CCM2: variants seen among roughly 807,000 people sequenced by gnomAD.
CCM2 encodes the protein cerebral cavernous malformations 2 protein.
Under a neutral mutation model 44.9 loss-of-function variants are expected in CCM2, and 25 were observed. That is an observed-to-expected ratio of 0.56 (90% CI 0.41 to 0.78). The LOEUF is 0.78. CCM2 is among the 30% of genes least tolerant of loss of function. CCM2 has a pLI of 0.00. For synonymous variants in CCM2, 219 were observed against 241.1 expected (o/e 0.91, Z 0.85); for missense variants, 481 against 580.6 (o/e 0.83, Z 1.76).
At chr7:45,054,810 T>C (rs993025908) in intron 2 of CCM2, among the ~76,000 whole-genome samples, 3 of 152,196 alleles carry the variant, frequency 2.0e-5, no homozygotes, top group Admixed American at 6.5e-5. Flanking sequence ...GGGCATGGCA[T>C]TGCCATAGGG....
rs148379766 is a variant in CCM2 at position 45,013,310 on chromosome 7, AT to A, written c.30+12957del. On this transcript the variant is annotated intron_variant, in intron 1 of 9. Transcript: ENST00000258781. ...ATACGTGTTATAAATCTTACATTAG[AT>A]TTTTTTTTTGCTTTAAACAATCGAC... Among the ~76,000 whole-genome samples, 277 of 149,320 alleles carry A rather than the reference AT, an allele frequency of 1.9e-3. 1 individual carries two copies. The highest frequency in any genetic ancestry group is 6.3e-3 in the African/African-American group (256 of 40,766).
intron 2 of CCM2, among the ~76,000 whole-genome samples, chr7:45,041,239 A>G (rs1797482251): frequency 6.6e-6 from 1 of 152,194 alleles, no homozygotes; most frequent in Non-Finnish European, 1.5e-5. Flanking sequence ...AAGCAAATAG[A>G]GGTGTGGAGG....
At chr7:45,050,607 T>C (rs757441750) in intron 2 of CCM2, among the ~76,000 whole-genome samples, 23 of 152,218 alleles carry the variant, frequency 1.5e-4, no homozygotes, top group Admixed American at 6.5e-4. Context: ...TTTGTACTTA[T>C]AAGTGAGGTT....
intron 1 of CCM2, among the ~76,000 whole-genome samples, chr7:45,011,583 A>C (rs1299392532): frequency 2.0e-5 from 3 of 150,342 alleles, no homozygotes; most frequent in Non-Finnish European, 4.4e-5. Flanking sequence ...ATGGAGTCTC[A>C]CTCTGTTGCC....
intron 2 of CCM2, among the ~76,000 whole-genome samples, chr7:45,052,012 T>C (rs772799434): frequency 9.2e-5 from 14 of 152,180 alleles, no homozygotes; most frequent in Non-Finnish European, 1.5e-4. Context: ...GACATTGAAT[T>C]CCGTGATCAT....
chr7:45,044,704 C>G (rs1797670359), intron 2 of CCM2, among the ~76,000 whole-genome samples: 1 of 152,156 alleles, frequency 6.6e-6, no homozygotes, highest in Non-Finnish European at 1.5e-5. Flanking sequence ...TTACCATTTT[C>G]TAGAGGTAGG....
intron 8 of CCM2, 95 bp downstream of exon 8, chr7:45,073,666 G>T: frequency 1.2e-6 from 1 of 855,792 alleles, no homozygotes; most frequent in East Asian, 2.6e-5. Context: ...GCAGTGCAGG[G>T]CAGGCTGCAG....
At chr7:45,012,130 CTTTTTT>C (rs60568953) in intron 1 of CCM2, among the ~76,000 whole-genome samples, 1 of 94,090 alleles carries the variant, frequency 1.1e-5, no homozygotes, top group Non-Finnish European at 2.2e-5. Context: ...ATCATAATAT[CTTTTTT>C]TTTTTTTTTT....
rs532855225 is a variant in CCM2, at chr7:45,009,311, A to AG, written c.30+8948_30+8949insG. Among the ~76,000 whole-genome samples the AG allele has an allele frequency of 8.5e-3, 1,020 of 119,890 alleles. 32 individuals carry two copies. Among genetic ancestry groups the AG allele is most frequent in the Non-Finnish European group, 0.012 (707 of 58,148 alleles). 78.7% of individuals were successfully genotyped at this position (119,890 alleles called of 152,430 possible). A position where few individuals can be genotyped will look rare whatever the true frequency, so the allele number is the denominator to read the frequency against. On this transcript the variant is annotated intron_variant, in intron 1 of 9. Coordinates refer to ENST00000258781, the MANE Select transcript of CCM2 (RefSeq NM_031443.4). ...GGGAGCCTCTGTCTCAAAAAAAAAA[A>AG]AAAAAAAAAAATTTTTGAGTACACC...
chr7:45,064,721 A>C, intron 4 of CCM2, 75 bp downstream of exon 4: 1 of 1,521,530 alleles, frequency 6.6e-7, no homozygotes, highest in East Asian at 2.3e-5. Flanking sequence ...TTCTGGAGAC[A>C]GTTTTTGCAG....
intron 1 of CCM2, among the ~76,000 whole-genome samples, chr7:45,008,356 CTTTTTTTTTTTTTT>C (rs59435094): frequency 0.5 from 57,846 of 115,290 alleles, 13,314 homozygotes; most frequent in East Asian, 0.71. Flanking sequence ...GGTACATGTT[CTTTTTTTTTTTTTT>C]TTTTTTTTTT....
chr7:45,076,340 G>A lies in CCM2; in HGVS notation c.*283G>A, dbSNP rs1784264592. The A allele has an allele frequency of 3.2e-6, 2 of 622,926 alleles. No individual in the cohort carries two copies. Among genetic ancestry groups the A allele is most frequent in the East Asian group, 3.2e-5 (1 of 30,850 alleles). 38.6% of individuals were successfully genotyped at this position (622,926 alleles called of 1,614,324 possible). On this transcript the variant is annotated 3_prime_UTR_variant, in exon 10 of 10. Transcript: ENST00000258781. ...GGGAGGGCCCGGCCGAGCGGGCAGG[G>A]AGAGCCAGTCCTGTCGGCTGGGCCC... is the stretch of plus-strand genomic sequence containing the variant.
chr7:45,068,300 C>T (rs1430561728), intron 4 of CCM2, 143 bp from the exon 5 acceptor site: 1 of 1,005,190 alleles, frequency 9.9e-7, no homozygotes, highest in Non-Finnish European at 1.5e-6. Context: ...CTGGTGCAGG[C>T]CCTTCACCTG....
At chr7:45,004,810 G>A (rs754500849) in intron 1 of CCM2, among the ~76,000 whole-genome samples, 2 of 151,928 alleles carry the variant, frequency 1.3e-5, no homozygotes, top group Non-Finnish European at 2.9e-5. Context: ...TCTGAGACCA[G>A]CCATGGTGAA....
intron 2 of CCM2, among the ~76,000 whole-genome samples, chr7:45,055,972 A>G (rs950986553): frequency 6.6e-6 from 1 of 152,254 alleles, no homozygotes; most frequent in Admixed American, 6.5e-5. Flanking sequence ...CGCTTAGCAC[A>G]GTGCCCTCAA....
At chr7:45,056,011 C>A (rs1033331253) in intron 2 of CCM2, among the ~76,000 whole-genome samples, 1 of 152,226 alleles carries the variant, frequency 6.6e-6, no homozygotes. Flanking sequence ...CATGTGTCAG[C>A]ATTTCCATTG....
At chr7:45,007,364 C>T (rs933937102) in intron 1 of CCM2, among the ~76,000 whole-genome samples, 5 of 152,266 alleles carry the variant, frequency 3.3e-5, no homozygotes, top group African/African-American at 7.2e-5. Flanking sequence ...TTTGTTAGCG[C>T]GCTTCGCACT....
chr7:45,010,514 G>C (rs1796024467), intron 1 of CCM2, among the ~76,000 whole-genome samples: 8 of 152,156 alleles, frequency 5.3e-5, no homozygotes, highest in Admixed American at 5.2e-4. Flanking sequence ...TGTTTCAGTT[G>C]CTGAGTAATA....
chr7:45,018,670 A>G (rs1056699099), intron 1 of CCM2, among the ~76,000 whole-genome samples: 3 of 151,048 alleles, frequency 2.0e-5, no homozygotes, highest in African/African-American at 4.9e-5. Context: ...AAAGATGAAG[A>G]CTCATTATCT....
Sources: gnomAD v4.1 joint callset for allele counts (sites outside exome capture counted in the v4.1 genomes callset) on GRCh38, gnomAD v4.1.1 for gene constraint, MANE v1.5 for transcripts, NCBI Gene and HGNC (gene_info 2026-07-23, HGNC 2026-07-21) for gene names.